The following NT5DC2 variants were observed in gnomAD, a reference collection of about 807,000 sequenced individuals.
The protein encoded by NT5DC2 is 5'-nucleotidase domain containing 2.
NT5DC2 carries 41 observed loss-of-function variants against 70.0 expected under a neutral mutation model. The ratio of observed to expected loss-of-function variants is 0.59; its 90% CI spans 0.46 to 0.76. NT5DC2 has a LOEUF of 0.76. NT5DC2 is among the 30% of genes least tolerant of loss of function. The pLI is 0.00. For synonymous variants in NT5DC2, 299 were observed against 310.4 expected (o/e 0.96, Z 0.39); for missense variants, 705 against 783.2 (o/e 0.90, Z 1.19).
intron 9 of NT5DC2, 56 bp from the exon 10 acceptor site, chr3:52,527,431 C>A: frequency 6.3e-7 from 1 of 1,575,446 alleles, no homozygotes; most frequent in South Asian, 1.1e-5. Context: ...ACGGGCCGGG[C>A]AACCCCCATC....
Position 52,527,710 on chromosome 3 carries a change from C to T in NT5DC2, c.944G>A (p.Gly315Glu). 2 of 1,613,328 alleles carry T rather than the reference C, an allele frequency of 1.2e-6. No homozygotes were observed. The highest frequency in any genetic ancestry group is 1.7e-6 in the Non-Finnish European group (2 of 1,180,012). The change falls in exon 9 of 14, where the codon GGG (glycine) becomes GAG (glutamate). Residue 315 changes from glycine to glutamate, a missense_variant. By Grantham distance (98) the Gly-to-Glu change is moderately conservative. Coordinates refer to ENST00000422318, the MANE Select transcript of NT5DC2 (RefSeq NM_001134231.2). ...TNSPFSFVDK[G>E]MRHMVGPDWR... ...ATCGGGACCCACCATGTGCCGCATC[C>T]CCTTGTCTCTGTGTGGAGGAGTTTC...
chr3:52,525,160 G>A (rs759247646), intron 11 of NT5DC2, 49 bp downstream of exon 11: 13 of 1,357,684 alleles, frequency 9.6e-6, no homozygotes, highest in African/African-American at 1.4e-5. Context: ...GCGGGGGGGG[G>A]GGGGTTTCCT....
chr3:52,533,749 G>A lies in NT5DC2; in HGVS notation c.-12C>T, dbSNP rs868001762. 2.8e-3 allele frequency: 2,687 copies of A among 967,964 alleles called. 11 individuals carry two copies. The highest frequency in any genetic ancestry group is 9.1e-3 in the Middle Eastern group (17 of 1,876). The allele number at this position is 967,964 out of a possible 1,614,324, so 60.0% of individuals were successfully genotyped here. A position where few individuals can be genotyped will look rare whatever the true frequency, so the allele number is the denominator to read the frequency against. On this transcript the variant is annotated 5_prime_UTR_variant, in exon 1 of 14. Coordinates refer to ENST00000422318, the MANE Select transcript of NT5DC2 (RefSeq NM_001134231.2). ...CCCGCACCCGCCATGCCCACCGCGCGCCGCCCGCCGCCCGCGCTGCCCTCG... is the reference window on the plus strand; with the variant it reads ...CCCGCACCCGCCATGCCCACCGCGCACCGCCCGCCGCCCGCGCTGCCCTCG...
In NT5DC2 at chr3:52,528,339, C is replaced by A. The variant is rs552491402; in HGVS notation, c.643-28G>T. ...GGGGAGGGGGCCATTGTCTCAGACA[C>A]CCTTTGGGACCCCAACCCCTTCAGT... On this transcript the variant is annotated intron_variant, in intron 5 of 13. Coordinates refer to ENST00000422318, the MANE Select transcript of NT5DC2 (RefSeq NM_001134231.2). 5 of 1,613,172 alleles carry A rather than the reference C, an allele frequency of 3.1e-6. No individual in the cohort carries two copies. The Admixed American group carries it at 5.0e-5, about 16-fold the overall frequency.
chr3:52,527,328 A>G lies in NT5DC2; in HGVS notation c.1085T>C (p.Ile362Thr). 1 of 1,614,120 alleles carries G rather than the reference A, an allele frequency of 6.2e-7. No homozygotes were observed. Among genetic ancestry groups the G allele is most frequent in the Non-Finnish European group, 8.5e-7 (1 of 1,180,018 alleles). The change falls in exon 10 of 14, where the codon ATC (isoleucine) becomes ACC (threonine). Residue 362 changes from isoleucine (I) to threonine (T), a missense_variant. Coordinates refer to ENST00000422318, the MANE Select transcript of NT5DC2 (RefSeq NM_001134231.2). The stretch of plus-strand genomic sequence containing the variant: ...GATCTTGCCCTTTTCCAAGCGGGTG[A>G]TCCGGTCCCACTGAAGTGAGCCCTT... Reference protein sequence around the residue: ...DEKGSLQWDRITRLEKGKIYR... With the variant: ...DEKGSLQWDRTTRLEKGKIYR...
chr3:52,528,496 C>T lies in NT5DC2; in HGVS notation c.592G>A (p.Gly198Arg). The change falls in exon 5 of 14, where the codon GGG (glycine) becomes AGG (arginine). Residue 198 changes from glycine to arginine, a missense_variant. Physicochemically the swap from Gly to Arg is moderately radical, Grantham distance 125. Transcript: ENST00000422318. ...VPDEEVIELY[G>R]GTQHIPLYQM... ...TATAGTGGGATGTGCTGGGTACCCC[C>T]ATACAGCTCAATCACCTCCTCGTCT... 6.2e-7 allele frequency: 1 copy of T among 1,613,266 alleles called. No homozygotes were observed. The highest frequency in any genetic ancestry group is 8.5e-7 in the Non-Finnish European group (1 of 1,179,936).
chr3:52,534,183 C>A, upstream of NT5DC2: 1 of 352,922 alleles, frequency 2.8e-6, no homozygotes, highest in Admixed American at 4.5e-5. Flanking sequence ...CTGCCGCCCT[C>A]TCCGCTCCCG....
In NT5DC2 at chr3:52,525,217, C is replaced by G; in HGVS notation, c.1198G>C (p.Asp400His). 3.7e-6 allele frequency: 6 copies of G among 1,612,112 alleles called. No individual in the cohort carries two copies. The highest frequency in any genetic ancestry group is 5.1e-6 in the Non-Finnish European group (6 of 1,179,760). Residue 400 changes from aspartate (D) to histidine (H), a missense_variant, in exon 11 of 14, where the codon GAT (aspartate) becomes CAT (histidine). Physicochemically the swap from Asp to His is moderately conservative, Grantham distance 81 (BLOSUM62 -1). Transcript: ENST00000422318. ...AGCCCTGCCTCCCTCACCGCCAGATCACTATAGAGGTGGTCCCCGAAGTAG... is the reference window on the plus strand; with the variant it reads ...AGCCCTGCCTCCCTCACCGCCAGATGACTATAGAGGTGGTCCCCGAAGTAG... ...VLYFGDHLYS[D>H]LADLMLRHGW...
intron 1 of NT5DC2, among the ~76,000 whole-genome samples, chr3:52,530,735 TACTAAG>T (rs1178468868): frequency 2.6e-5 from 4 of 152,198 alleles, no homozygotes; most frequent in Non-Finnish European, 5.9e-5. Flanking sequence ...CCTACAGAAT[TACTAAG>T]ACTGTCATAT....
rs536154442 is a variant in NT5DC2, at chr3:52,526,946, G to A, written c.1119+348C>T. On this transcript the variant is annotated intron_variant, in intron 10 of 13. Transcript: ENST00000422318. ...CCCAAACTGCTGGGATTATAGGCAT[G>A]AGCCACGGTGCCTGGCGCACTGGCC... Among the ~76,000 whole-genome samples, 12 of 152,348 alleles carry A rather than the reference G, an allele frequency of 7.9e-5. No homozygotes were observed. In the South Asian group the frequency reaches 2.5e-3, roughly 32 times the overall value.
At chr3:52,532,091 C>T (rs1681606594) in intron 1 of NT5DC2, 1 of 755,352 alleles carries the variant, frequency 1.3e-6, no homozygotes, top group Non-Finnish European at 1.6e-6. Flanking sequence ...GCACTGCTCT[C>T]AGCCCGTGGG....
chr3:52,528,035 G>A lies in NT5DC2; in HGVS notation c.810C>T (p.Tyr270=), dbSNP rs1402585912. The change falls in exon 7 of 14, where the codon TAC becomes TAT. Residue 270 remains tyrosine, a synonymous_variant. Coordinates refer to ENST00000422318, the MANE Select transcript of NT5DC2 (RefSeq NM_001134231.2). The part of the protein sequence containing the change: ...IRDVHVKGLM[Y]QWIEQDMEKY... Reference sequence around the variant, plus strand: ...TACCCATGTCCTGCTCGATCCACTGGTACATGAGGCCCTTCACATGCACGT... The same window carrying A: ...TACCCATGTCCTGCTCGATCCACTGATACATGAGGCCCTTCACATGCACGT... The A allele has an allele frequency of 6.2e-7, 1 of 1,612,076 alleles. No homozygotes were observed. The highest frequency in any genetic ancestry group is 8.5e-7 in the Non-Finnish European group (1 of 1,179,514).
At chr3:52,534,638 C>T (rs1361073184), upstream of NT5DC2, 7 of 1,613,254 alleles carry the variant, frequency 4.3e-6, no homozygotes, top group Non-Finnish European at 5.9e-6. Flanking sequence ...TGCGCAGAAC[C>T]GCTCTCCACT....
At chr3:52,527,480 GC>G in intron 9 of NT5DC2, 105 bp from the exon 10 acceptor site, 1 of 1,462,346 alleles carries the variant, frequency 6.8e-7, no homozygotes, top group Non-Finnish European at 9.4e-7. Context: ...GTGGACCCAT[GC>G]CAGCAAGGGG....
chr3:52,525,435 C>T (rs2079245135), intron 10 of NT5DC2, 140 bp from the exon 11 acceptor site: 2 of 648,362 alleles, frequency 3.1e-6, no homozygotes, highest in Non-Finnish European at 5.5e-6. Context: ...CCTCCCTGGG[C>T]CCTGGTTCTT....
Position 52,529,219 on chromosome 3 carries a change from G to A in NT5DC2, c.348C>T (p.Ala116=), listed in dbSNP as rs746828549. The A allele has an allele frequency of 6.2e-7, 1 of 1,614,086 alleles. No individual in the cohort carries two copies. Among genetic ancestry groups the A allele is most frequent in the East Asian group, 2.2e-5 (1 of 44,886 alleles). The part of the protein sequence containing the change: ...VYGFDYDYTL[A]QYADALHPEI... ...CGGGGTGCAGTGCGTCTGCATACTGGGCCAGGGTGTAGTCGTAGTCAAAGC... is the reference window on the plus strand; with the variant it reads ...CGGGGTGCAGTGCGTCTGCATACTGAGCCAGGGTGTAGTCGTAGTCAAAGC... The change falls in exon 2 of 14, where the codon GCC becomes GCT. Residue 116 remains alanine, a synonymous_variant. Transcript: ENST00000422318. This position sits in a 1 kb window ranked among gnomAD's most constrained non-coding sequence, Gnocchi z 4.1.
chr3:52,526,047 C>T (rs1208065295), intron 10 of NT5DC2: 2 of 112,638 alleles, frequency 1.8e-5, no homozygotes, highest in South Asian at 2.3e-4. Flanking sequence ...GACTGACAGA[C>T]TCCTAGTGAC....
At chr3:52,527,806 C>T (rs1329935053) in intron 8 of NT5DC2, 23 bp downstream of exon 8, 2 of 1,612,432 alleles carry the variant, frequency 1.2e-6, no homozygotes, top group Non-Finnish European at 1.7e-6. Context: ...TGCTGTCCCT[C>T]CATCCACAGG....
upstream of NT5DC2, chr3:52,534,160 GC>G: frequency 2.0e-5 from 6 of 306,094 alleles, no homozygotes; most frequent in South Asian, 6.1e-5. Context: ...TACCCCCCGG[GC>G]CCCCGGGTCC....
Sources: allele counts gnomAD v4.1 joint callset (sites outside exome capture counted in the v4.1 genomes callset), GRCh38; gene constraint gnomAD v4.1.1; non-coding constraint Gnocchi (gnomAD v3.1); transcripts MANE v1.5; gene names NCBI Gene and HGNC (gene_info 2026-07-23, HGNC 2026-07-21).